The following BUD31 variants were observed in gnomAD, a reference collection of about 807,000 sequenced individuals.
The protein encoded by BUD31 is BUD31 spliceosome associated protein.
A neutral mutation model predicts 17.9 loss-of-function variants in BUD31; 9 were observed. The ratio of observed to expected loss-of-function variants is 0.50; its 90% CI spans 0.30 to 0.88. The LOEUF (loss-of-function observed/expected upper bound fraction) is 0.88. BUD31 is among the 40% of genes least tolerant of loss of function. BUD31 has a pLI of 0.06. For missense variants in BUD31, 148 were observed against 184.5 expected (o/e 0.80, Z 1.15); for synonymous variants, 70 against 64.7 (o/e 1.08, Z -0.39).
intron 4 of BUD31, chr7:99,417,050 T>C (rs1795522468): frequency 4.3e-6 from 1 of 234,350 alleles, no homozygotes; most frequent in South Asian, 4.7e-5. Context: ...ACTGTCCCGT[T>C]GCAATACTGA....
rs1795561561 is a variant in BUD31 at position 99,417,426 on chromosome 7, C to T, written c.218-3C>T. 6.2e-7 allele frequency: 1 copy of T among 1,613,552 alleles called. No individual in the cohort carries two copies. The highest frequency in any genetic ancestry group is 1.1e-5 in the South Asian group (1 of 91,048). On this transcript the variant is annotated splice_region_variant and splice_polypyrimidine_tract_variant and intron_variant, in intron 4 of 5. Transcript: ENST00000222969. ...TGATGCTCTTTCCCCATCTTTTTGA[C>T]AGAACTCTATGAATATTGTATTAAA...
intron 3 of BUD31, among the ~76,000 whole-genome samples, chr7:99,413,483 G>T (rs1448901984): frequency 6.6e-6 from 1 of 152,224 alleles, no homozygotes. Flanking sequence ...CCTTCAAGAT[G>T]ATTAGGATGC....
intron 5 of BUD31, chr7:99,417,939 T>C (rs1795597381): frequency 4.8e-6 from 6 of 1,252,380 alleles, no homozygotes; most frequent in Non-Finnish European, 6.1e-6. Context: ...CTTTCAGTCC[T>C]CACAGTGATA....
At chr7:99,416,385 A>G in intron 4 of BUD31, 125 bp downstream of exon 4, 1 of 1,294,294 alleles carries the variant, frequency 7.7e-7, no homozygotes, top group Non-Finnish European at 1.1e-6. Flanking sequence ...AATTAGGGGG[A>G]GCCAACGTTG....
chr7:99,410,392 T>TG (rs1313382093), intron 2 of BUD31, among the ~76,000 whole-genome samples: 1 of 137,362 alleles, frequency 7.3e-6, no homozygotes, highest in Non-Finnish European at 1.5e-5. Context: ...TTAATTTTTT[T>TG]GATTTTTTTT....
rs991048725 is a variant in BUD31, at chr7:99,415,127, A to G, written c.95-1011A>G. On this transcript the variant is annotated intron_variant, in intron 3 of 5. Transcript: ENST00000222969. ...GCGTAGAAATAAAGACACAAGACAA[A>G]GAGATAAAAGACAGCTGAGCCTGGG... is the stretch of plus-strand genomic sequence containing the variant. 43 of 438,830 alleles carry G rather than the reference A, an allele frequency of 9.8e-5. No homozygotes were observed. In the Admixed American group the frequency reaches 9.9e-4, roughly 10 times the overall value. 27.2% of individuals were successfully genotyped at this position (438,830 alleles called of 1,614,324 possible). A position where few individuals can be genotyped will look rare whatever the true frequency, so the allele number is the denominator to read the frequency against.
At chr7:99,409,281 A>G (rs1331500925) in intron 1 of BUD31, 36 bp downstream of exon 1, 1 of 152,106 alleles carries the variant, frequency 6.6e-6, no homozygotes, top group Non-Finnish European at 1.5e-5. Flanking sequence ...TGTTTTTCTA[A>G]GCTGGGTTCA....
chr7:99,416,717 C>CT (rs59301509), intron 4 of BUD31: 18,317 of 98,648 alleles, frequency 0.19, 3,424 homozygotes, highest in African/African-American at 0.46. Flanking sequence ...CCGCTCTTGG[C>CT]TTTTTTTTTT....
intron 3 of BUD31, among the ~76,000 whole-genome samples, chr7:99,411,462 T>C (rs890963083): frequency 6.6e-6 from 1 of 152,186 alleles, no homozygotes; most frequent in Non-Finnish European, 1.5e-5. Context: ...CTACCTATAG[T>C]TATTTACTAT....
At chr7:99,416,059 T>C in intron 3 of BUD31, 79 bp from the exon 4 acceptor site, 1 of 1,573,320 alleles carries the variant, frequency 6.4e-7, no homozygotes, top group Non-Finnish European at 8.7e-7. Flanking sequence ...ATTTATTCAT[T>C]ATCAGTAGTT....
intron 3 of BUD31, chr7:99,415,186 C>A: frequency 2.2e-6 from 1 of 452,266 alleles, no homozygotes. Context: ...GGTAGTGGCC[C>A]CAAATGCCAG....
Position 99,417,415 on chromosome 7 carries a change from C to T in BUD31, c.218-14C>T, listed in dbSNP as rs1795560631. On this transcript the variant is annotated splice_polypyrimidine_tract_variant and intron_variant, in intron 4 of 5. Coordinates refer to ENST00000222969, the MANE Select transcript of BUD31 (RefSeq NM_003910.4). Reference sequence around the variant, plus strand: ...AGACCATGGCCTGATGCTCTTTCCCCATCTTTTTGACAGAACTCTATGAAT... The same window carrying T: ...AGACCATGGCCTGATGCTCTTTCCCTATCTTTTTGACAGAACTCTATGAAT... 9 of 1,613,260 alleles carry T rather than the reference C, an allele frequency of 5.6e-6. No homozygotes were observed. In the East Asian group the frequency reaches 1.6e-4, roughly 28 times the overall value.
In BUD31 at chr7:99,411,552, C is replaced by T. The variant is rs567429663; in HGVS notation, c.94+366C>T. ...TTCCTTTTCAGTATCATCGATTAGT[C>T]TTTGCCGCATCTGTTTTCTGTCACT... is the stretch of plus-strand genomic sequence containing the variant. On this transcript the variant is annotated intron_variant, in intron 3 of 5. Coordinates refer to ENST00000222969, the MANE Select transcript of BUD31 (RefSeq NM_003910.4). Among the ~76,000 whole-genome samples, 39 of 152,146 alleles carry T rather than the reference C, an allele frequency of 2.6e-4. No homozygotes were observed. In the East Asian group the frequency reaches 6.4e-3, roughly 25 times the overall value.
chr7:99,409,769 CGGG>C (rs370621425), intron 1 of BUD31, among the ~76,000 whole-genome samples: 4 of 48,716 alleles, frequency 8.2e-5, no homozygotes, highest in African/African-American at 2.3e-4. Context: ...GCTCTGTGGG[CGGG>C]GGGGGGGTGG....
chr7:99,413,007 C>T (rs570797189), intron 3 of BUD31, among the ~76,000 whole-genome samples: 23 of 152,136 alleles, frequency 1.5e-4, no homozygotes, highest in South Asian at 6.2e-4. Flanking sequence ...GGGCAATTTA[C>T]GAAAGAACGA....
At chr7:99,410,618 T>C (rs1472006475) in intron 2 of BUD31, among the ~76,000 whole-genome samples, 2 of 152,140 alleles carry the variant, frequency 1.3e-5, no homozygotes, top group African/African-American at 4.8e-5. Context: ...TGTAATTGCT[T>C]TTTCTCTTGT....
intron 4 of BUD31, 27 bp downstream of exon 4, chr7:99,416,287 T>C (rs1795450989): frequency 1.3e-6 from 2 of 1,598,766 alleles, no homozygotes; most frequent in Non-Finnish European, 1.7e-6. Context: ...TCTTGGACTT[T>C]GAAGCTCGCG....
At chr7:99,416,717 CTTTTT>C (rs59301509) in intron 4 of BUD31, 7 of 98,954 alleles carry the variant, frequency 7.1e-5, no homozygotes, top group Admixed American at 4.6e-4. Context: ...CCGCTCTTGG[CTTTTT>C]TTTTTTTTTT....
rs1467957938 is a variant in BUD31 at position 99,416,262 on chromosome 7, T to TA, written c.217+4dup. ...ACAAGCGGAAAGCCATCAGCAGAGG[T>TA]AATTAGTCAGTCTCTCTTGGACTTT... On this transcript the variant is annotated splice_region_variant and intron_variant, in intron 4 of 5. Coordinates refer to ENST00000222969, the MANE Select transcript of BUD31 (RefSeq NM_003910.4). 6.2e-7 allele frequency: 1 copy of TA among 1,613,090 alleles called. No individual in the cohort carries two copies. Among genetic ancestry groups the TA allele is most frequent in the East Asian group, 2.2e-5 (1 of 44,850 alleles).
Sources: allele counts gnomAD v4.1 joint callset (sites outside exome capture counted in the v4.1 genomes callset), GRCh38; gene constraint gnomAD v4.1.1; transcripts MANE v1.5; gene names NCBI Gene and HGNC (gene_info 2026-07-23, HGNC 2026-07-21).